The following PATJ variants were observed in gnomAD, a reference collection of about 807,000 sequenced individuals.
PATJ encodes inaD-like protein.
A neutral mutation model predicts 224.9 loss-of-function variants in PATJ; 190 were observed. The ratio of observed to expected loss-of-function variants is 0.84; its 90% CI spans 0.75 to 0.95. The LOEUF is 0.95. Ranked by LOEUF, PATJ falls within the 40% of genes least tolerant of loss-of-function variation. PATJ has a pLI of 0.00. For missense variants in PATJ, 2,121 were observed against 2,270.3 expected (o/e 0.93, Z 1.34); for synonymous variants, 769 against 820.3 (o/e 0.94, Z 1.07).
Position 61,801,662 on chromosome 1 carries a change from TA to T in PATJ, c.1444del (p.Thr482LeufsTer24). The T allele has an allele frequency of 6.3e-7, 1 of 1,598,992 alleles. No individual in the cohort carries two copies. Among genetic ancestry groups the T allele is most frequent in the Non-Finnish European group, 8.5e-7 (1 of 1,170,696 alleles). ...VEPLKPPALF[L>X]TGAVETETNV... is the part of the protein sequence containing the mutation. ...CCACTGAAACCACCAGCTCTCTTTC[TA>T]ACTGGAGCAGTGGAAACTGAAACTA... On this transcript the variant is annotated frameshift_variant, in exon 12 of 44. Coordinates refer to ENST00000642238, the MANE Select transcript of PATJ (RefSeq NM_001350145.3). LOFTEE classifies it high-confidence loss of function.
Position 61,831,085 on chromosome 1 carries a change from G to T in PATJ, c.1981-2569G>T, listed in dbSNP as rs563668983. ...ACCTGTAGTCCCAGCTACTTGGGGG[G>T]GCTGAGGCAGGAGAATGGCATGAAC... On this transcript the variant is annotated intron_variant, in intron 16 of 43. Coordinates refer to ENST00000642238, the MANE Select transcript of PATJ (RefSeq NM_001350145.3). 1.2e-3 allele frequency among the ~76,000 whole-genome samples: 175 copies of T among 151,890 alleles called. 2 individuals are homozygous for T. In the East Asian group the frequency reaches 0.031, roughly 27 times the overall value.
chr1:62,037,815 C>T (rs1650720072), intron 29 of PATJ, among the ~76,000 whole-genome samples, 162 bp from the exon 30 acceptor site: 2 of 151,866 alleles, frequency 1.3e-5, no homozygotes, highest in Admixed American at 1.3e-4. Flanking sequence ...ACTTTGCATG[C>T]TTGGAAGCTA....
At chr1:62,007,859 C>T (rs1159847185) in intron 28 of PATJ, among the ~76,000 whole-genome samples, 1 of 152,170 alleles carries the variant, frequency 6.6e-6, no homozygotes, top group African/African-American at 2.4e-5. Context: ...TGTTACTTCC[C>T]AAAGGCCCCA....
Position 61,827,415 on chromosome 1 carries a change from T to C in PATJ, c.1819-7T>C. The C allele has an allele frequency of 6.2e-7, 1 of 1,612,614 alleles. No individual in the cohort carries two copies. The highest frequency in any genetic ancestry group is 2.2e-5 in the East Asian group (1 of 44,846). ...CTCAGTTCTGACTTATCCCCTTGTC[T>C]TCCTAGGTCAATGGCATGCAGCTTT... On this transcript the variant is annotated splice_polypyrimidine_tract_variant and splice_region_variant and intron_variant, in intron 15 of 43. Coordinates refer to ENST00000642238, the MANE Select transcript of PATJ (RefSeq NM_001350145.3).
At position 61,864,275 on chromosome 1, in the gene PATJ, T is replaced by C; in HGVS notation, c.2477T>C (p.Val826Ala). ...GAACCATATTTTAAAGAAGAACTTG[T>C]GGATGAACCATTTCTAGATCTGGGA... ...RDEPYFKEEL[V>A]DEPFLDLGKS... The change falls in exon 20 of 44, where the codon GTG (valine) becomes GCG (alanine). Residue 826 changes from valine (V) to alanine (A), a missense_variant. Transcript: ENST00000642238. 5 of 1,612,220 alleles carry C rather than the reference T, an allele frequency of 3.1e-6. No individual in the cohort carries two copies. Among genetic ancestry groups the C allele is most frequent in the Non-Finnish European group, 4.2e-6 (5 of 1,179,186 alleles).
intron 37 of PATJ, among the ~76,000 whole-genome samples, chr1:62,120,404 G>C (rs1203798764): frequency 6.6e-6 from 1 of 152,086 alleles, no homozygotes; most frequent in Non-Finnish European, 1.5e-5. Flanking sequence ...AGTGATCTTA[G>C]GCTTAGCTTA....
At position 61,825,393 on chromosome 1, in the gene PATJ, G is replaced by A. The variant is rs552647164; in HGVS notation, c.1819-2029G>A. 3.9e-5 allele frequency among the ~76,000 whole-genome samples: 6 copies of A among 152,252 alleles called. No individual in the cohort carries two copies. The East Asian group carries it at 1.2e-3, about 29-fold the overall frequency. On this transcript the variant is annotated intron_variant, in intron 15 of 43. Coordinates refer to ENST00000642238, the MANE Select transcript of PATJ (RefSeq NM_001350145.3). ...AGGGTCACAAGTTGAAGGACCTTGA[G>A]AAGTATTGTGAATTCTAAAATAAAA...
rs10157153 is a variant in PATJ, at chr1:61,762,997, T to C, written c.23-16T>C. 2,882 of 1,599,952 alleles carry C rather than the reference T, an allele frequency of 1.8e-3. 54 individuals carry two copies. The African/African-American group carries it at 0.034, about 19-fold the overall frequency. On this transcript the variant is annotated splice_polypyrimidine_tract_variant and intron_variant, in intron 2 of 43. Transcript: ENST00000642238. Reference sequence around the variant, plus strand: ...TGGGACTTAACTATTACTCTACTTATTCATCTTGACCCAAGATAAACTGCA... The same window carrying C: ...TGGGACTTAACTATTACTCTACTTACTCATCTTGACCCAAGATAAACTGCA...
intron 37 of PATJ, 91 bp downstream of exon 37, chr1:62,117,309 A>G: frequency 6.3e-7 from 1 of 1,578,822 alleles, no homozygotes; most frequent in Admixed American, 1.8e-5. Context: ...TGGAAATAAT[A>G]TCTAATGTAC....
At chr1:61,948,453 A>G (rs1158939074) in intron 27 of PATJ, among the ~76,000 whole-genome samples, 1 of 152,240 alleles carries the variant, frequency 6.6e-6, no homozygotes, top group Non-Finnish European at 1.5e-5. Context: ...GCCAACAGAC[A>G]CATGAAAAAA....
rs1397282173 is a variant in PATJ, at chr1:62,144,778, ATATAT to A, written c.5272-3505_5272-3501del. Among the ~76,000 whole-genome samples, 20 of 50,704 alleles carry A rather than the reference ATATAT, an allele frequency of 3.9e-4. 1 individual carries two copies. The highest frequency in any genetic ancestry group is 1.2e-3 in the African/African-American group (18 of 15,012). 33.3% of individuals were successfully genotyped at this position (50,704 alleles called of 152,430 possible). On this transcript the variant is annotated intron_variant, in intron 41 of 43. Transcript: ENST00000642238. ...AGAATGTTATTTGCAAAAAAAAAAA[ATATAT>A]ATATATATATATAATTAGCAGAATA...
intron 24 of PATJ, among the ~76,000 whole-genome samples, chr1:61,905,738 ATTC>A (rs1671763939): frequency 6.6e-6 from 1 of 152,080 alleles, no homozygotes; most frequent in Non-Finnish European, 1.5e-5. Flanking sequence ...GTTTCTCCAT[ATTC>A]TTACCAACCT....
intron 22 of PATJ, among the ~76,000 whole-genome samples, chr1:61,886,768 C>G (rs1231333044): frequency 6.9e-6 from 1 of 145,058 alleles, no homozygotes; most frequent in Non-Finnish European, 1.5e-5. Flanking sequence ...TGCAGTGAGC[C>G]GAGATCGTGC....
intron 27 of PATJ, among the ~76,000 whole-genome samples, chr1:61,944,410 C>T (rs997544286): frequency 6.6e-6 from 1 of 151,962 alleles, no homozygotes; most frequent in African/African-American, 2.4e-5. Flanking sequence ...AATCATGGCA[C>T]GAGAAGTACG....
chr1:61,891,693 G>A (rs535502628), intron 22 of PATJ, among the ~76,000 whole-genome samples: 5 of 152,278 alleles, frequency 3.3e-5, no homozygotes, highest in Admixed American at 2.6e-4. Flanking sequence ...CAGAAGAGAC[G>A]TAATGTTCTG....
At chr1:61,898,610 T>C (rs950168093) in intron 22 of PATJ, among the ~76,000 whole-genome samples, 4 of 152,110 alleles carry the variant, frequency 2.6e-5, no homozygotes, top group African/African-American at 7.2e-5. Context: ...ATTTACAACA[T>C]CGGACTGATT....
chr1:62,141,330 T>C (rs1667471906), intron 41 of PATJ, among the ~76,000 whole-genome samples: 1 of 152,084 alleles, frequency 6.6e-6, no homozygotes, highest in African/African-American at 2.4e-5. Context: ...TAGCAGGGAC[T>C]CAGAAGGATG....
intron 12 of PATJ, among the ~76,000 whole-genome samples, chr1:61,803,371 G>T (rs1395613365): frequency 6.6e-6 from 1 of 152,008 alleles, no homozygotes; most frequent in African/African-American, 2.4e-5. Flanking sequence ...TTTAATGTTA[G>T]TAATAGAAAC....
rs116850406 is a variant in PATJ at position 61,837,851 on chromosome 1, A to G, written c.2112+4066A>G. ...GATAAAGGAGCTTGAATTAGTCTAT[A>G]GAACAATAGGGTAGCTCTCTGGACC... On this transcript the variant is annotated intron_variant, in intron 17 of 43. Coordinates refer to ENST00000642238, the MANE Select transcript of PATJ (RefSeq NM_001350145.3). Among the ~76,000 whole-genome samples, 136 of 151,754 alleles carry G rather than the reference A, an allele frequency of 9.0e-4. 8 individuals carry two copies. The East Asian group carries it at 0.018, about 20-fold the overall frequency.
Sources: gnomAD v4.1 joint callset for allele counts (sites outside exome capture counted in the v4.1 genomes callset) on GRCh38, gnomAD v4.1.1 for gene constraint, MANE v1.5 for transcripts, NCBI Gene and HGNC (gene_info 2026-07-23, HGNC 2026-07-21) for gene names.